The following FBXO4 variants were observed in gnomAD, a reference collection of about 807,000 sequenced individuals.
FBXO4 encodes the protein F-box protein 4, also known as F-box only protein 4.
A neutral mutation model predicts 43.7 loss-of-function variants in FBXO4; 36 were observed. The ratio of observed to expected loss-of-function variants is 0.82; its 90% CI spans 0.63 to 1.09. The LOEUF is 1.09. Among genes scored for constraint, FBXO4 ranks in the 50% least tolerant of loss-of-function variants. The pLI, the probability that FBXO4 is intolerant of heterozygous loss-of-function variation, is 0.00. For missense variants in FBXO4, 435 were observed against 474.1 expected (o/e 0.92, Z 0.77); for synonymous variants, 180 against 165.6 (o/e 1.09, Z -0.67).
the FBXO4 span, among the ~76,000 whole-genome samples, chr5:42,019,547 G>T: frequency 6.6e-6 from 1 of 151,948 alleles, no homozygotes; most frequent in African/African-American, 2.4e-5. Context: ...AATTAGTTGG[G>T]TGTGGTGGCA....
At chr5:41,985,018 T>C in the FBXO4 span, among the ~76,000 whole-genome samples, 1 of 152,232 alleles carries the variant, frequency 6.6e-6, no homozygotes, top group Non-Finnish European at 1.5e-5. Flanking sequence ...ATTTCTCATA[T>C]TGTGATAGAT....
chr5:41,966,890 TC>T, the FBXO4 span, among the ~76,000 whole-genome samples: 1 of 152,182 alleles, frequency 6.6e-6, no homozygotes, highest in Non-Finnish European at 1.5e-5. Context: ...TGACAATGTC[TC>T]CCATGTTAGT....
At chr5:42,022,404 A>C in the FBXO4 span, among the ~76,000 whole-genome samples, 1 of 152,272 alleles carries the variant, frequency 6.6e-6, no homozygotes, top group South Asian at 2.1e-4. Flanking sequence ...ATTTATATGA[A>C]AGTAAAGCTA....
chr5:41,961,416 A>C, the FBXO4 span, among the ~76,000 whole-genome samples: 1 of 152,086 alleles, frequency 6.6e-6, no homozygotes, highest in African/African-American at 2.4e-5. Flanking sequence ...AGTAGTCACT[A>C]AGTTGAGGCC....
chr5:41,959,311 G>T, the FBXO4 span, among the ~76,000 whole-genome samples: 1 of 151,970 alleles, frequency 6.6e-6, no homozygotes, highest in Non-Finnish European at 1.5e-5. Flanking sequence ...GAGATCTATG[G>T]TGTTCAGATA....
the FBXO4 span, among the ~76,000 whole-genome samples, chr5:41,954,335 G>A: frequency 6.6e-6 from 1 of 152,150 alleles, no homozygotes; most frequent in Non-Finnish European, 1.5e-5. Context: ...ATTAACATTT[G>A]TTGTTTAATG....
chr5:41,996,944 G>A, the FBXO4 span, among the ~76,000 whole-genome samples: 8 of 152,176 alleles, frequency 5.3e-5, no homozygotes, highest in African/African-American at 9.7e-5. Context: ...TCAGCATAAC[G>A]TCATCAATGT....
the FBXO4 span, chr5:41,967,486 G>T: frequency 1.5e-6 from 1 of 659,786 alleles, no homozygotes; most frequent in South Asian, 1.4e-5. Context: ...GCTCTTTGGG[G>T]GTATATCAAT....
chr5:41,960,458 A>C, the FBXO4 span, among the ~76,000 whole-genome samples: 20 of 152,232 alleles, frequency 1.3e-4, no homozygotes, highest in South Asian at 4.1e-3. Flanking sequence ...TCAACTTTTC[A>C]CCATTGAGTA....
the FBXO4 span, among the ~76,000 whole-genome samples, chr5:42,034,860 C>T: frequency 6.6e-6 from 1 of 151,718 alleles, no homozygotes. Context: ...TCTTTTTTTT[C>T]CATGTGAAAT....
chr5:42,020,286 A>T, the FBXO4 span, among the ~76,000 whole-genome samples: 1 of 152,180 alleles, frequency 6.6e-6, no homozygotes, highest in Admixed American at 6.6e-5. Context: ...AAATGAAGTG[A>T]TCTAATATCA....
chr5:42,030,251 A>G, the FBXO4 span, among the ~76,000 whole-genome samples: 1 of 152,224 alleles, frequency 6.6e-6, no homozygotes, highest in African/African-American at 2.4e-5. Context: ...ACTGGTACCA[A>G]AACAGAGATA....
the FBXO4 span, among the ~76,000 whole-genome samples, chr5:42,036,274 CA>C: frequency 6.6e-6 from 1 of 150,548 alleles, no homozygotes; most frequent in South Asian, 2.1e-4. Flanking sequence ...GGAAAATGGA[CA>C]AAAGTAAAGT....
chr5:42,026,920 T>C, the FBXO4 span, among the ~76,000 whole-genome samples: 3 of 151,948 alleles, frequency 2.0e-5, no homozygotes, highest in Non-Finnish European at 4.4e-5. Flanking sequence ...ATGAAAAATC[T>C]TTCTAATGTA....
At chr5:42,003,017 A>G in the FBXO4 span, among the ~76,000 whole-genome samples, 6 of 152,166 alleles carry the variant, frequency 3.9e-5, no homozygotes, top group Admixed American at 1.3e-4. Context: ...AGTTTTACAT[A>G]TTATAATTGG....
chr5:42,036,410 T>C, the FBXO4 span, among the ~76,000 whole-genome samples: 2 of 152,230 alleles, frequency 1.3e-5, no homozygotes, highest in African/African-American at 4.8e-5. Context: ...AAACGTTTGA[T>C]TGGAAAACAG....
the FBXO4 span, among the ~76,000 whole-genome samples, chr5:41,995,844 C>T: frequency 1.3e-5 from 2 of 152,236 alleles, no homozygotes; most frequent in African/African-American, 2.4e-5. Context: ...AGTATATAAT[C>T]GCACATTTGC....
chr5:41,987,266 A>G, the FBXO4 span, among the ~76,000 whole-genome samples: 1 of 152,194 alleles, frequency 6.6e-6, no homozygotes, highest in African/African-American at 2.4e-5. Context: ...ATTGTAATAT[A>G]ATGCAACCAT....
chr5:41,996,018 T>A, the FBXO4 span, among the ~76,000 whole-genome samples: 1 of 152,170 alleles, frequency 6.6e-6, no homozygotes, highest in Admixed American at 6.5e-5. Context: ...TGCAGAACCG[T>A]CTGTGAACCA....
Sources: allele counts gnomAD v4.1 joint callset (sites outside exome capture counted in the v4.1 genomes callset), GRCh38; gene constraint gnomAD v4.1.1; transcripts MANE v1.5; gene names NCBI Gene and HGNC (gene_info 2026-07-23, HGNC 2026-07-21).